APC: variants seen among roughly 807,000 people sequenced by gnomAD.
APC encodes the protein adenomatous polyposis coli protein.
A neutral mutation model predicts 247.0 loss-of-function variants in APC; 72 were observed. The observed-to-expected ratio is 0.29, with a 90% CI of 0.24 to 0.35. APC has a LOEUF of 0.35. APC is among the 10% of genes least tolerant of loss of function. The probability of loss-of-function intolerance (pLI) is 1.00; values close to 1 mark genes in which losing one functional copy is unlikely to be tolerated. For missense variants in APC, 3,400 were observed against 3,360.7 expected (o/e 1.01, Z -0.29); for synonymous variants, 1,254 against 1,162.5 (o/e 1.08, Z -1.60).
chr5:112,736,623 CTTTAAG>C (rs1015760775), upstream of APC, among the ~76,000 whole-genome samples: 1 of 152,144 alleles, frequency 6.6e-6, no homozygotes, highest in Non-Finnish European at 1.5e-5. Context: ...CATTTAAAAA[CTTTAAG>C]TTTAGGCCGG....
chr5:112,822,991 G>A (rs1363086557), intron 11 of APC, among the ~76,000 whole-genome samples: 2 of 152,158 alleles, frequency 1.3e-5, no homozygotes, highest in African/African-American at 2.4e-5. Flanking sequence ...CTTCCTAGTG[G>A]TGTAGCAATT....
intron 6 of APC, among the ~76,000 whole-genome samples, chr5:112,788,083 T>C (rs1759177855): frequency 6.6e-6 from 1 of 152,192 alleles, no homozygotes; most frequent in African/African-American, 2.4e-5. Flanking sequence ...AGTAATGTCA[T>C]CTCTTATCAC....
intron 6 of APC, 106 bp from the exon 7 acceptor site, chr5:112,792,340 A>G: frequency 5.7e-6 from 4 of 706,284 alleles, no homozygotes; most frequent in Non-Finnish European, 9.4e-6. Flanking sequence ...TTAAATGAGA[A>G]TGATTTGACA....
chr5:112,755,128 TAAGC>T, intron 2 of APC, 103 bp downstream of exon 2: 2 of 1,495,600 alleles, frequency 1.3e-6, no homozygotes, highest in South Asian at 1.2e-5. Flanking sequence ...TATTTTAAAT[TAAGC>T]AATAATATGT....
At chr5:112,783,941 A>G (rs1431268062) in intron 6 of APC, among the ~76,000 whole-genome samples, 1 of 152,174 alleles carries the variant, frequency 6.6e-6, no homozygotes, top group Non-Finnish European at 1.5e-5. Flanking sequence ...GGGAAATGTA[A>G]TATAAAGTAA....
In APC at chr5:112,837,798, C is replaced by A. The variant is rs147655929; in HGVS notation, c.2204C>A (p.Ala735Glu). ...ALRNLMANRP[A>E]KYKDANIMSP... ...AGGAATCTCATGGCAAATAGGCCTG[C>A]GAAGTACAAGGATGCCAATATTATG... Residue 735 changes from alanine (A) to glutamate (E), a missense_variant, in exon 16 of 16, where the codon GCG (alanine) becomes GAG (glutamate). This residue lies in a region of APC where 91 missense variants were observed against 103.3 expected (regional missense o/e 0.88). Coordinates refer to ENST00000257430, the MANE Select transcript of APC (RefSeq NM_000038.6). 5 of 1,613,948 alleles carry A rather than the reference C, an allele frequency of 3.1e-6. No homozygotes were observed. Among genetic ancestry groups the A allele is most frequent in the Non-Finnish European group, 3.4e-6 (4 of 1,180,014 alleles).
At chr5:112,741,033 C>T (rs1440023489) in intron 1 of APC, among the ~76,000 whole-genome samples, 1 of 152,068 alleles carries the variant, frequency 6.6e-6, no homozygotes, top group Non-Finnish European at 1.5e-5. Context: ...CTATGCAGCA[C>T]ATAAAATGGG....
rs768615558 is a variant in APC, at chr5:112,767,343, T to C, written c.375T>C (p.Asn125=). 2.5e-6 allele frequency: 4 copies of C among 1,613,968 alleles called. No individual in the cohort carries two copies. Among genetic ancestry groups the C allele is most frequent in the African/African-American group, 1.3e-5 (1 of 74,926 alleles). ...CATTTCCAAGAAGAGGGTTTGTAAA[T>C]GGAAGCAGAGAAAGTACTGGATATT... ...MGSFPRRGFV[N]GSRESTGYLE... is the part of the protein sequence containing the mutation. The change falls in exon 4 of 16, where the codon AAT becomes AAC. Residue 125 remains asparagine (N), a synonymous_variant. Transcript: ENST00000257430.
At chr5:112,791,117 C>G (rs895839511) in intron 6 of APC, among the ~76,000 whole-genome samples, 1 of 152,004 alleles carries the variant, frequency 6.6e-6, no homozygotes, top group African/African-American at 2.4e-5. Context: ...TCCACTTCCA[C>G]TAGTATTCAT....
At chr5:112,716,156 A>G (rs1329922996) in intron 1 of APC, among the ~76,000 whole-genome samples, 1 of 151,810 alleles carries the variant, frequency 6.6e-6, no homozygotes. Context: ...TCTTCGGTGA[A>G]GTTCTTGAAT....
At chr5:112,808,656 T>C (rs1368042336) in intron 8 of APC, among the ~76,000 whole-genome samples, 3 of 152,146 alleles carry the variant, frequency 2.0e-5, no homozygotes, top group African/African-American at 7.2e-5. Context: ...GCAGTCCTCC[T>C]GCCTCAGCCT....
intron 6 of APC, among the ~76,000 whole-genome samples, chr5:112,782,177 A>G (rs1758423065): frequency 6.6e-6 from 1 of 152,194 alleles, no homozygotes; most frequent in South Asian, 2.1e-4. Context: ...CATGTCTTAC[A>G]TGGGTGGCAG....
intron 4 of APC, among the ~76,000 whole-genome samples, chr5:112,774,873 C>A (rs1045185876): frequency 6.6e-6 from 1 of 152,148 alleles, no homozygotes; most frequent in Non-Finnish European, 1.5e-5. Context: ...TAAGTATGCA[C>A]ATATGTCCTT....
chr5:112,776,411 C>G lies in APC; in HGVS notation c.531+674C>G, dbSNP rs142936393. ...ATAGTTTAGATTACAGAAGTTTGTT[C>G]ACCGATTTATGACAGCAGGTCCTAA... On this transcript the variant is annotated intron_variant, in intron 5 of 15. Coordinates refer to ENST00000257430, the MANE Select transcript of APC (RefSeq NM_000038.6). Among the ~76,000 whole-genome samples the G allele has an allele frequency of 2.3e-3, 348 of 152,324 alleles. 3 individuals carry two copies. The highest frequency in any genetic ancestry group is 0.022 in the South Asian group (107 of 4,826).
At chr5:112,711,886 A>T (rs1316108956) in intron 1 of APC, among the ~76,000 whole-genome samples, 2 of 151,458 alleles carry the variant, frequency 1.3e-5, no homozygotes. Context: ...TTCCCTTCTA[A>T]TAAAAAAAAA....
At chr5:112,722,576 A>G (rs1329748648) in intron 1 of APC, among the ~76,000 whole-genome samples, 1 of 151,184 alleles carries the variant, frequency 6.6e-6, no homozygotes, top group East Asian at 2.0e-4. Context: ...CCCCAGTCCC[A>G]AGTCCTAGCC....
chr5:112,808,745 A>C (rs530338298), intron 8 of APC, among the ~76,000 whole-genome samples: 1 of 152,182 alleles, frequency 6.6e-6, no homozygotes, highest in Non-Finnish European at 1.5e-5. Flanking sequence ...CCCATACTCT[A>C]GATTTTGCTG....
At position 112,817,031 on chromosome 5, in the gene APC, G is replaced by A. The variant is rs929065518; in HGVS notation, c.933+1438G>A. Among the ~76,000 whole-genome samples, 3 of 151,628 alleles carry A rather than the reference G, an allele frequency of 2.0e-5. No individual in the cohort carries two copies. The South Asian group carries it at 6.3e-4, about 32-fold the overall frequency. On this transcript the variant is annotated intron_variant, in intron 9 of 15. Coordinates refer to ENST00000257430, the MANE Select transcript of APC (RefSeq NM_000038.6). Reference sequence around the variant, plus strand: ...TTACAGGTGCGTGCCACCATGCCCGGCTAATTTTTTGTATTTTTAGTAGAG... The same window carrying A: ...TTACAGGTGCGTGCCACCATGCCCGACTAATTTTTTGTATTTTTAGTAGAG...
chr5:112,827,011 A>AT, intron 11 of APC, 97 bp from the exon 12 acceptor site: 1 of 1,222,524 alleles, frequency 8.2e-7, no homozygotes, highest in Non-Finnish European at 1.2e-6. Context: ...ATTCTCATTG[A>AT]TTGAGTTTTT....
Sources: allele counts gnomAD v4.1 joint callset (sites outside exome capture counted in the v4.1 genomes callset), GRCh38; gene constraint gnomAD v4.1.1; regional missense constraint gnomAD v4.1.1; transcripts MANE v1.5; gene names NCBI Gene and HGNC (gene_info 2026-07-23, HGNC 2026-07-21).